Variants in CDH13 observed in about 807,000 individuals in gnomAD.
The protein encoded by CDH13 is cadherin-13.
CDH13 carries 24 observed loss-of-function variants against 63.8 expected under a neutral mutation model. The observed-to-expected ratio is 0.38, with a 90% confidence interval of 0.27 to 0.53. The LOEUF is 0.53. Ranked by LOEUF, CDH13 falls within the 20% of genes least tolerant of loss-of-function variation. CDH13 has a pLI of 0.85. For synonymous variants in CDH13, 503 were observed against 355.3 expected (o/e 1.42, Z -4.67); for missense variants, 1,049 against 903.1 (o/e 1.16, Z -2.07).
intron 6 of CDH13, among the ~76,000 whole-genome samples, chr16:83,454,802 G>T (rs2151515411): frequency 6.6e-6 from 1 of 152,148 alleles, no homozygotes; most frequent in Non-Finnish European, 1.5e-5. Flanking sequence ...CACCTCCCGG[G>T]TTCCAGCAAT....
chr16:83,179,810 T>G lies in CDH13; in HGVS notation c.484-37535T>G, dbSNP rs1335196623. 3.9e-5 allele frequency among the ~76,000 whole-genome samples: 6 copies of G among 152,284 alleles called. No homozygotes were observed. In the East Asian group the frequency reaches 1.2e-3, roughly 29 times the overall value. On this transcript the variant is annotated intron_variant, in intron 4 of 13. Transcript: ENST00000567109. Reference sequence around the variant, plus strand: ...GATTTAGGATAAAATACAAATGACTTATATTTTCCACTTAAAAGAAGCATT... The same window carrying G: ...GATTTAGGATAAAATACAAATGACTGATATTTTCCACTTAAAAGAAGCATT...
chr16:83,178,195 G>A (rs752749932), intron 4 of CDH13, among the ~76,000 whole-genome samples: 2 of 152,080 alleles, frequency 1.3e-5, no homozygotes, highest in African/African-American at 2.4e-5. Flanking sequence ...AGACATTTGG[G>A]GCAGATAATT....
intron 13 of CDH13, among the ~76,000 whole-genome samples, chr16:83,791,668 G>T (rs1454024588): frequency 6.6e-6 from 1 of 151,678 alleles, no homozygotes; most frequent in Non-Finnish European, 1.5e-5. Context: ...AAAATTAGCT[G>T]GGTGTGGTGG....
At chr16:82,833,609 A>C (rs1188818121) in intron 1 of CDH13, among the ~76,000 whole-genome samples, 1 of 152,206 alleles carries the variant, frequency 6.6e-6, no homozygotes, top group Non-Finnish European at 1.5e-5. Context: ...ATGAAGATGG[A>C]AAATGATTCC....
chr16:83,124,309 G>A (rs1261002504), intron 3 of CDH13, among the ~76,000 whole-genome samples: 2 of 152,186 alleles, frequency 1.3e-5, no homozygotes, highest in African/African-American at 4.8e-5. Context: ...GCCTCCCAAA[G>A]TGCTGGGATT....
intron 2 of CDH13, among the ~76,000 whole-genome samples, chr16:82,977,038 T>C (rs1909611401): frequency 6.6e-6 from 1 of 152,208 alleles, no homozygotes; most frequent in Admixed American, 6.5e-5. Context: ...AAACAAAAGC[T>C]ATATATTTCC....
intron 1 of CDH13, among the ~76,000 whole-genome samples, chr16:82,813,524 TA>T (rs2037553039): frequency 1.3e-5 from 2 of 152,116 alleles, no homozygotes; most frequent in South Asian, 4.1e-4. Flanking sequence ...TGCTTTTCTG[TA>T]GATAGTGCTA....
chr16:83,216,414 A>G lies in CDH13; in HGVS notation c.484-931A>G, dbSNP rs1364908359. Among the ~76,000 whole-genome samples, 39 of 86,588 alleles carry G rather than the reference A, an allele frequency of 4.5e-4. 2 individuals are homozygous for G. Among genetic ancestry groups the G allele is most frequent in the African/African-American group, 1.5e-3 (34 of 22,820 alleles). The allele number at this position is 86,588 out of a possible 152,430, so 56.8% of individuals were successfully genotyped here. ...AGCATTGAAATATATATATATATAT[A>G]TATATATATATATATATATATATAT... On this transcript the variant is annotated intron_variant, in intron 4 of 13. Coordinates refer to ENST00000567109, the MANE Select transcript of CDH13 (RefSeq NM_001257.5).
intron 4 of CDH13, among the ~76,000 whole-genome samples, chr16:83,177,212 T>G (rs918845640): frequency 6.6e-6 from 1 of 152,310 alleles, no homozygotes; most frequent in African/African-American, 2.4e-5. Context: ...ACTCAAATAC[T>G]CAGATCTTTG....
chr16:82,757,236 C>A (rs1385826001), intron 1 of CDH13, among the ~76,000 whole-genome samples: 1 of 152,196 alleles, frequency 6.6e-6, no homozygotes, highest in African/African-American at 2.4e-5. Flanking sequence ...GCCCCTGGAT[C>A]CTTGTTCAGA....
chr16:83,383,164 C>G (rs1344900835), intron 6 of CDH13: 1 of 152,162 alleles, frequency 6.6e-6, no homozygotes, highest in Non-Finnish European at 1.5e-5. Flanking sequence ...CGTGGTCCAT[C>G]TGATGTTTCC....
chr16:83,716,671 A>T (rs927224464), intron 10 of CDH13, among the ~76,000 whole-genome samples: 2 of 151,978 alleles, frequency 1.3e-5, no homozygotes, highest in African/African-American at 4.8e-5. Flanking sequence ...TTTAGTAGAG[A>T]TGGGGTTTCA....
intron 8 of CDH13, among the ~76,000 whole-genome samples, chr16:83,625,265 C>T (rs7188563): frequency 0.044 from 6,660 of 152,012 alleles, 339 homozygotes; most frequent in African/African-American, 0.12. Flanking sequence ...AAATGACGGA[C>T]CCTGTGTTAT....
intron 1 of CDH13, among the ~76,000 whole-genome samples, chr16:82,855,692 C>T (rs954893468): frequency 1.3e-5 from 2 of 152,136 alleles, no homozygotes; most frequent in Non-Finnish European, 2.9e-5. Context: ...ACAAGCGGAA[C>T]CGTACAGATG....
chr16:82,744,695 C>T (rs1161233280), intron 1 of CDH13, among the ~76,000 whole-genome samples: 2 of 152,110 alleles, frequency 1.3e-5, no homozygotes, highest in African/African-American at 4.8e-5. Flanking sequence ...GAGTGCTTAG[C>T]ACATGCTAGG....
At chr16:82,952,207 C>T (rs1010273643) in intron 2 of CDH13, among the ~76,000 whole-genome samples, 5 of 152,140 alleles carry the variant, frequency 3.3e-5, no homozygotes, top group African/African-American at 7.2e-5. Flanking sequence ...GGGTGCTGCC[C>T]GAGAAGCGCA....
At chr16:83,433,593 G>T (rs1057181247) in intron 6 of CDH13, among the ~76,000 whole-genome samples, 2 of 152,192 alleles carry the variant, frequency 1.3e-5, no homozygotes, top group African/African-American at 4.8e-5. Context: ...GCTTGGGGAT[G>T]AGGGTGGTTT....
intron 3 of CDH13, among the ~76,000 whole-genome samples, chr16:83,095,381 A>T (rs11641730): frequency 6.6e-6 from 1 of 152,032 alleles, no homozygotes; most frequent in Non-Finnish European, 1.5e-5. Flanking sequence ...ACTAAATGCC[A>T]TATGGTTTTA....
Position 83,555,634 on chromosome 16 carries a change from T to G in CDH13, c.961-46820T>G, listed in dbSNP as rs770562632. ...ACTTAGCATAAGTGGAGAAAACCAATTGATAAGCCCAAGGCTAAGTGGAAC... is the reference window on the plus strand; with the variant it reads ...ACTTAGCATAAGTGGAGAAAACCAAGTGATAAGCCCAAGGCTAAGTGGAAC... On this transcript the variant is annotated intron_variant, in intron 7 of 13. Coordinates refer to ENST00000567109, the MANE Select transcript of CDH13 (RefSeq NM_001257.5). Among the ~76,000 whole-genome samples the G allele has an allele frequency of 5.3e-5, 8 of 152,204 alleles. No homozygotes were observed. In the East Asian group the frequency reaches 1.5e-3, roughly 29 times the overall value.
Sources: gnomAD v4.1 joint callset for allele counts (sites outside exome capture counted in the v4.1 genomes callset) on GRCh38, gnomAD v4.1.1 for gene constraint, MANE v1.5 for transcripts, NCBI Gene and HGNC (gene_info 2026-07-23, HGNC 2026-07-21) for gene names.